BRINP3: variants seen among roughly 807,000 people sequenced by gnomAD.
The protein encoded by BRINP3 is BMP/retinoic acid-inducible neural-specific protein 3.
In BRINP3, 19 loss-of-function variants were observed where a neutral mutation model predicts 71.0. That is an observed-to-expected ratio of 0.27 (90% CI 0.19 to 0.39). The LOEUF is 0.39. BRINP3 is among the 10% of genes least tolerant of loss of function. The pLI, the probability that BRINP3 is intolerant of heterozygous loss-of-function variation, is 1.00. For missense variants in BRINP3, 959 were observed against 940.8 expected (o/e 1.02, Z -0.25); for synonymous variants, 380 against 337.7 (o/e 1.13, Z -1.37).
At chr1:190,477,175 G>T (rs1040323210) in intron 1 of BRINP3, among the ~76,000 whole-genome samples, 2 of 151,998 alleles carry the variant, frequency 1.3e-5, no homozygotes, top group Admixed American at 1.3e-4. Flanking sequence ...ATTAATGTCC[G>T]TGTAACCCAT....
intron 6 of BRINP3, among the ~76,000 whole-genome samples, chr1:190,196,366 T>C (rs1654479662): frequency 6.6e-6 from 1 of 152,148 alleles, no homozygotes; most frequent in South Asian, 2.1e-4. Flanking sequence ...AGATAATGGT[T>C]CTGCTAATGT....
chr1:190,230,777 ACT>A (rs1386598142), intron 5 of BRINP3, among the ~76,000 whole-genome samples: 1 of 151,660 alleles, frequency 6.6e-6, no homozygotes. Flanking sequence ...TTCTTCAAAC[ACT>A]CACACACACA....
chr1:190,113,429 G>A (rs147556608), intron 7 of BRINP3, among the ~76,000 whole-genome samples: 2 of 152,222 alleles, frequency 1.3e-5, no homozygotes, highest in East Asian at 1.9e-4. Context: ...CAACTTGTCA[G>A]TACCATTGCC....
chr1:190,287,571 T>G (rs1663530924), intron 2 of BRINP3, among the ~76,000 whole-genome samples: 1 of 152,074 alleles, frequency 6.6e-6, no homozygotes, highest in Admixed American at 6.6e-5. Context: ...CAAATACAAC[T>G]TATGTAAAGT....
At chr1:190,338,193 G>A (rs1012787888) in intron 2 of BRINP3, among the ~76,000 whole-genome samples, 10 of 152,028 alleles carry the variant, frequency 6.6e-5, no homozygotes, top group Middle Eastern at 6.3e-3. Flanking sequence ...AATGCAATGC[G>A]AATGACATCT....
intron 2 of BRINP3, among the ~76,000 whole-genome samples, chr1:190,342,013 GT>G (rs34821476): frequency 0.81 from 119,607 of 147,592 alleles, 48,505 homozygotes; most frequent in Middle Eastern, 0.92. Context: ...CTATTTCTGT[GT>G]TTTTTTTTTT....
intron 2 of BRINP3, among the ~76,000 whole-genome samples, chr1:190,311,339 C>CA (rs1665502505): frequency 6.6e-6 from 1 of 151,530 alleles, no homozygotes; most frequent in African/African-American, 2.4e-5. Context: ...GACCTGAGCA[C>CA]AGACATGGAT....
intron 2 of BRINP3, among the ~76,000 whole-genome samples, chr1:190,361,755 A>G (rs2102126684): frequency 6.6e-6 from 1 of 152,260 alleles, no homozygotes; most frequent in East Asian, 1.9e-4. Flanking sequence ...AATATTCTGA[A>G]GACTTCCATT....
At chr1:190,287,137 G>T (rs894234889) in intron 2 of BRINP3, among the ~76,000 whole-genome samples, 1 of 152,012 alleles carries the variant, frequency 6.6e-6, no homozygotes, top group African/African-American at 2.4e-5. Context: ...TGAGGCAGGA[G>T]GATCACTTGA....
At chr1:190,227,706 G>A (rs1657532619) in intron 5 of BRINP3, among the ~76,000 whole-genome samples, 1 of 151,792 alleles carries the variant, frequency 6.6e-6, no homozygotes, top group Non-Finnish European at 1.5e-5. Flanking sequence ...GCTGAAGAGT[G>A]ATACATTAAC....
At chr1:190,341,296 T>C (rs187010767) in intron 2 of BRINP3, among the ~76,000 whole-genome samples, 303 of 151,972 alleles carry the variant, frequency 2.0e-3, no homozygotes, top group Non-Finnish European at 3.4e-3. Flanking sequence ...GTAGGACAAA[T>C]AATCACTTTT....
rs545280473 is a variant in BRINP3, at chr1:190,180,337, C to A, written c.962-19447G>T. 4.6e-5 allele frequency among the ~76,000 whole-genome samples: 7 copies of A among 152,170 alleles called. No homozygotes were observed. In the East Asian group the frequency reaches 1.2e-3, roughly 25 times the overall value. On this transcript the variant is annotated intron_variant, in intron 6 of 7. Transcript: ENST00000367462. ...TCTTTATTCCTCCTTCAAATGTGCA[C>A]TTCTATAGATATAGCTGTTACTGTC... is the stretch of plus-strand genomic sequence containing the variant.
At chr1:190,202,604 T>A (rs1655102589) in intron 6 of BRINP3, among the ~76,000 whole-genome samples, 1 of 151,990 alleles carries the variant, frequency 6.6e-6, no homozygotes. Context: ...AATTCCTACA[T>A]GCTGTGGGAG....
intron 4 of BRINP3, among the ~76,000 whole-genome samples, chr1:190,250,208 C>A (rs542473165): frequency 1.4e-4 from 22 of 151,952 alleles, no homozygotes; most frequent in African/African-American, 4.6e-4. Flanking sequence ...TCCTCTTAAG[C>A]AGCATAATGG....
intron 2 of BRINP3, among the ~76,000 whole-genome samples, chr1:190,382,799 T>C (rs1439808386): frequency 6.6e-6 from 1 of 152,094 alleles, no homozygotes; most frequent in Non-Finnish European, 1.5e-5. Flanking sequence ...GTCTTTGCAG[T>C]TTATAAGATC....
At chr1:190,109,115 T>C (rs1652449898) in intron 7 of BRINP3, among the ~76,000 whole-genome samples, 1 of 152,286 alleles carries the variant, frequency 6.6e-6, no homozygotes, top group East Asian at 1.9e-4. Flanking sequence ...AAAGTTATGT[T>C]ATCTTTATTT....
chr1:190,251,765 C>T (rs528942959), intron 4 of BRINP3, among the ~76,000 whole-genome samples: 1 of 150,368 alleles, frequency 6.7e-6, no homozygotes, highest in East Asian at 2.0e-4. Flanking sequence ...TTGCATTTCA[C>T]TTAATATGAT....
intron 2 of BRINP3, among the ~76,000 whole-genome samples, chr1:190,440,735 A>G (rs909249504): frequency 3.3e-5 from 5 of 152,132 alleles, no homozygotes; most frequent in Admixed American, 6.5e-5. Context: ...TCTCCAGTCC[A>G]AATGAGCTGG....
intron 6 of BRINP3, among the ~76,000 whole-genome samples, chr1:190,216,533 T>G (rs558225714): frequency 6.6e-6 from 1 of 152,018 alleles, no homozygotes; most frequent in South Asian, 2.1e-4. Context: ...AAGAGAAATA[T>G]TTCTATTTTA....
Sources: allele counts gnomAD v4.1 joint callset (sites outside exome capture counted in the v4.1 genomes callset), GRCh38; gene constraint gnomAD v4.1.1; transcripts MANE v1.5; gene names NCBI Gene and HGNC (gene_info 2026-07-23, HGNC 2026-07-21).